The following OR51E2 variants were observed in gnomAD, a reference collection of about 807,000 sequenced individuals.
OR51E2 encodes the protein olfactory receptor family 51 subfamily E member 2.
OR51E2 carries 14 observed loss-of-function variants against 13.7 expected under a neutral mutation model. That is an observed-to-expected ratio of 1.02 (90% confidence interval 0.68 to 1.60). The LOEUF is 1.60. Among genes scored for constraint, OR51E2 ranks in the 40% most tolerant of loss-of-function variants. OR51E2 has a pLI of 0.00. For missense variants in OR51E2, 483 were observed against 413.8 expected (o/e 1.17, Z -1.45); for synonymous variants, 180 against 157.6 (o/e 1.14, Z -1.07).
chr11:4,689,921 T>C (rs929956741), intron 1 of OR51E2, among the ~76,000 whole-genome samples: 5 of 150,394 alleles, frequency 3.3e-5, no homozygotes, highest in African/African-American at 1.2e-4. Context: ...TTTTTTTACT[T>C]CTTTATGTTT....
chr11:4,692,838 G>T (rs1564887953), intron 1 of OR51E2, among the ~76,000 whole-genome samples: 1 of 144,618 alleles, frequency 6.9e-6, no homozygotes, highest in Non-Finnish European at 1.5e-5. Context: ...AGGATCACCG[G>T]AAGAAGTCTT....
intron 1 of OR51E2, chr11:4,691,024 C>T: frequency 4.4e-6 from 2 of 456,340 alleles, no homozygotes; most frequent in South Asian, 1.6e-5. Context: ...ACGCTAAGGA[C>T]AGTCCTAATG....
At position 4,692,315 on chromosome 11, in the gene OR51E2, G is replaced by A. The variant is rs551424391; in HGVS notation, c.-51+5338C>T. On this transcript the variant is annotated intron_variant, in intron 1 of 1. Coordinates refer to ENST00000396950, the MANE Select transcript of OR51E2 (RefSeq NM_030774.4). ...AAGAAACCCTTACAATATGATACCCGGCATCATATTTGGAAGAGATGGTTA... is the reference window on the plus strand; with the variant it reads ...AAGAAACCCTTACAATATGATACCCAGCATCATATTTGGAAGAGATGGTTA... Among the ~76,000 whole-genome samples the A allele has an allele frequency of 4.6e-5, 7 of 152,236 alleles. No individual in the cohort carries two copies. The South Asian group carries it at 8.3e-4, about 18-fold the overall frequency.
In OR51E2 at chr11:4,682,567, T is replaced by C. The variant is rs1266009560; in HGVS notation, c.145A>G (p.Arg49Gly). The change falls in exon 2 of 2, where the codon AGG becomes GGG. Residue 49 changes from arginine (R) to glycine (G), a missense_variant. Transcript: ENST00000396950. The part of the protein sequence containing the change: ...FGNCIVVFIV[R>G]TERSLHAPMY... ...GGAGCGTGCAGGCTGCGTTCCGTCC[T>C]TACGATGAAGACCACGATGCAGTTT... 6.2e-7 allele frequency: 1 copy of C among 1,614,054 alleles called. No homozygotes were observed. Among genetic ancestry groups the C allele is most frequent in the Non-Finnish European group, 8.5e-7 (1 of 1,179,980 alleles).
intron 1 of OR51E2, among the ~76,000 whole-genome samples, chr11:4,684,839 A>T (rs1847497501): frequency 6.6e-6 from 1 of 152,080 alleles, no homozygotes; most frequent in Admixed American, 6.5e-5. Flanking sequence ...ACCCAATTTC[A>T]GTTTCTCTTT....
chr11:4,684,158 G>A (rs920202079), intron 1 of OR51E2, among the ~76,000 whole-genome samples: 4 of 152,122 alleles, frequency 2.6e-5, no homozygotes, highest in African/African-American at 4.8e-5. Context: ...ACAGATTTGG[G>A]GTTTGAAGGT....
At chr11:4,691,282 A>G (rs1414852333) in intron 1 of OR51E2, 6 of 457,082 alleles carry the variant, frequency 1.3e-5, no homozygotes. Flanking sequence ...GCTATTCTGG[A>G]GTCAGTTAAA....
chr11:4,687,777 CAAGGTGCTGTAGGAGCACCTGGA>C (rs1847532521), intron 1 of OR51E2, among the ~76,000 whole-genome samples: 1 of 152,058 alleles, frequency 6.6e-6, no homozygotes, highest in Non-Finnish European at 1.5e-5. Flanking sequence ...GAGAGAAGAA[CAAGGTGCTGTAGGAGCACCTGGA>C]AAGGGCACCA....
intron 1 of OR51E2, among the ~76,000 whole-genome samples, chr11:4,684,003 G>A (rs1847486550): frequency 6.6e-6 from 1 of 152,332 alleles, no homozygotes; most frequent in Middle Eastern, 3.4e-3. Context: ...CTCATCATCT[G>A]AGTTCTTACT....
At chr11:4,691,487 G>A (rs1239843101) in intron 1 of OR51E2, 1 of 456,422 alleles carries the variant, frequency 2.2e-6, no homozygotes, top group Non-Finnish European at 4.4e-6. Context: ...ACAGGCCGAG[G>A]TCAGTGGCGG....
At chr11:4,694,427 C>A (rs1847627648) in intron 1 of OR51E2, among the ~76,000 whole-genome samples, 1 of 151,624 alleles carries the variant, frequency 6.6e-6, no homozygotes, top group Non-Finnish European at 1.5e-5. Context: ...CACTTTAGCT[C>A]CTATCAACCA....
intron 1 of OR51E2, chr11:4,690,623 C>T (rs1847565597): frequency 6.8e-6 from 2 of 292,938 alleles, no homozygotes; most frequent in South Asian, 3.2e-5. Context: ...AGATACATTC[C>T]AGCTTTAACT....
chr11:4,684,638 A>G (rs1342296022), intron 1 of OR51E2, among the ~76,000 whole-genome samples: 1 of 152,070 alleles, frequency 6.6e-6, no homozygotes, highest in East Asian at 1.9e-4. Context: ...TCTTTATTGG[A>G]CCCAGAGCTG....
rs1339884081 is a variant in OR51E2 at position 4,681,911 on chromosome 11, A to G, written c.801T>C (p.Leu267=). The G allele has an allele frequency of 6.2e-7, 1 of 1,614,156 alleles. No individual in the cohort carries two copies. Among genetic ancestry groups the G allele is most frequent in the South Asian group, 1.1e-5 (1 of 91,082 alleles). ...LSVVHRFGNS[L]HPIVRVVMGD... ...CCATGACAACACGCACAATGGGATG[A>G]AGGCTGTTTCCAAAGCGGTGTACCA... The change falls in exon 2 of 2, where the codon CTT becomes CTC. Residue 267 remains leucine (L), a synonymous_variant. Transcript: ENST00000396950.
intron 1 of OR51E2, chr11:4,691,686 T>G (rs779977489): frequency 1.9e-5 from 7 of 372,774 alleles, no homozygotes; most frequent in Non-Finnish European, 3.7e-5. Context: ...GGAGGTGATA[T>G]TCTGCAAAGT....
chr11:4,690,748 T>C (rs1847567556), intron 1 of OR51E2: 1 of 390,542 alleles, frequency 2.6e-6, no homozygotes, highest in East Asian at 7.1e-5. Flanking sequence ...AGTGCTAGAA[T>C]TCTACAATTT....
intron 1 of OR51E2, among the ~76,000 whole-genome samples, chr11:4,697,163 T>C (rs1039155633): frequency 6.6e-6 from 1 of 152,190 alleles, no homozygotes; most frequent in South Asian, 2.1e-4. Context: ...CTGGTGAAAG[T>C]CAGAGCTGAA....
chr11:4,696,356 C>T (rs1847656497), intron 1 of OR51E2, among the ~76,000 whole-genome samples: 1 of 151,714 alleles, frequency 6.6e-6, no homozygotes, highest in African/African-American at 2.4e-5. Flanking sequence ...CTACCCACCA[C>T]ACACACACAC....
chr11:4,689,654 T>G (rs1319565186), intron 1 of OR51E2, among the ~76,000 whole-genome samples: 1 of 152,188 alleles, frequency 6.6e-6, no homozygotes, highest in Non-Finnish European at 1.5e-5. Flanking sequence ...TCTTTCTGAA[T>G]TGAGCCATTA....
Sources: allele counts gnomAD v4.1 joint callset (sites outside exome capture counted in the v4.1 genomes callset), GRCh38; gene constraint gnomAD v4.1.1; transcripts MANE v1.5; gene names NCBI Gene and HGNC (gene_info 2026-07-23, HGNC 2026-07-21).